The following PLCB1 variants were observed in gnomAD, a reference collection of about 807,000 sequenced individuals.
The protein encoded by PLCB1 is phospholipase C beta 1.
Under a neutral mutation model 161.8 loss-of-function variants are expected in PLCB1, and 46 were observed. That is an observed-to-expected ratio of 0.28 (90% CI 0.22 to 0.36). The LOEUF is 0.36. PLCB1 is among the 10% of genes least tolerant of loss of function. The probability of loss-of-function intolerance (pLI) is 1.00; values close to 1 mark genes in which losing one functional copy is unlikely to be tolerated. For missense variants in PLCB1, 1,016 were observed against 1,472.5 expected (o/e 0.69, Z 5.07); for synonymous variants, 517 against 503.7 (o/e 1.03, Z -0.35).
At chr20:8,718,457 T>A (rs1442722488) in intron 14 of PLCB1, among the ~76,000 whole-genome samples, 1 of 152,182 alleles carries the variant, frequency 6.6e-6, no homozygotes, top group African/African-American at 2.4e-5. Flanking sequence ...AGAAGCTGTT[T>A]CCTTGCTTTT....
At chr20:8,832,874 C>T (rs1280452290) in intron 31 of PLCB1, among the ~76,000 whole-genome samples, 1 of 152,154 alleles carries the variant, frequency 6.6e-6, no homozygotes, top group Non-Finnish European at 1.5e-5. Flanking sequence ...GGCCCACATC[C>T]CTCAGAAAGT....
At chr20:8,768,118 G>A (rs919596910) in intron 26 of PLCB1, among the ~76,000 whole-genome samples, 9 of 152,176 alleles carry the variant, frequency 5.9e-5, no homozygotes, top group African/African-American at 4.8e-5. Context: ...GCAGTGAGCC[G>A]AGATGGTGCC....
At chr20:8,444,439 AG>A (rs1568678857) in intron 3 of PLCB1, among the ~76,000 whole-genome samples, 1 of 152,126 alleles carries the variant, frequency 6.6e-6, no homozygotes, top group East Asian at 1.9e-4. Context: ...TTCTTAATCC[AG>A]TCTATCATTG....
At chr20:8,560,656 C>CT (rs1216489569) in intron 3 of PLCB1, among the ~76,000 whole-genome samples, 2 of 151,882 alleles carry the variant, frequency 1.3e-5, no homozygotes, top group African/African-American at 4.8e-5. Flanking sequence ...TAAATGTCAT[C>CT]TTTTTTTGTT....
chr20:8,272,848 C>A (rs534034781), intron 2 of PLCB1, among the ~76,000 whole-genome samples: 1 of 152,232 alleles, frequency 6.6e-6, no homozygotes, highest in Admixed American at 6.5e-5. Flanking sequence ...ACATTTCATG[C>A]AATCAGTACA....
intron 7 of PLCB1, among the ~76,000 whole-genome samples, chr20:8,655,951 T>C (rs919165760): frequency 6.6e-6 from 1 of 152,034 alleles, no homozygotes; most frequent in African/African-American, 2.4e-5. Context: ...TCTCTCTTTC[T>C]ATAAATCAAG....
At chr20:8,193,438 G>A (rs898072261) in intron 2 of PLCB1, among the ~76,000 whole-genome samples, 1 of 151,796 alleles carries the variant, frequency 6.6e-6, no homozygotes, top group Non-Finnish European at 1.5e-5. Context: ...AAAAGAGGAG[G>A]AGGAGAAAGA....
intron 3 of PLCB1, among the ~76,000 whole-genome samples, chr20:8,548,021 G>GC (rs1985617982): frequency 6.6e-6 from 1 of 151,890 alleles, no homozygotes; most frequent in South Asian, 2.1e-4. Flanking sequence ...CCTCAGAGAA[G>GC]CCTTCCTCAC....
chr20:8,594,404 G>A (rs1290098286), intron 3 of PLCB1, among the ~76,000 whole-genome samples: 1 of 152,146 alleles, frequency 6.6e-6, no homozygotes, highest in Non-Finnish European at 1.5e-5. Context: ...TTCAATCAGG[G>A]CTTCTCAAAC....
intron 9 of PLCB1, among the ~76,000 whole-genome samples, chr20:8,681,074 A>ATGTGTG (rs1990196923): frequency 1.4e-5 from 1 of 72,648 alleles, no homozygotes; most frequent in Admixed American, 1.6e-4. Context: ...ATATGTGTGT[A>ATGTGTG]TATGTGTGTG....
intron 3 of PLCB1, among the ~76,000 whole-genome samples, chr20:8,424,144 C>G (rs1405286383): frequency 1.3e-5 from 2 of 152,130 alleles, no homozygotes; most frequent in Non-Finnish European, 2.9e-5. Context: ...CAGAAACACT[C>G]CCACACCCCT....
intron 3 of PLCB1, among the ~76,000 whole-genome samples, chr20:8,511,442 G>A (rs887574903): frequency 6.6e-6 from 1 of 152,088 alleles, no homozygotes; most frequent in Non-Finnish European, 1.5e-5. Flanking sequence ...ACTTAGGTTG[G>A]TTCCATATCT....
At chr20:8,607,204 A>G (rs921541628) in intron 3 of PLCB1, among the ~76,000 whole-genome samples, 1 of 152,070 alleles carries the variant, frequency 6.6e-6, no homozygotes, top group African/African-American at 2.4e-5. Flanking sequence ...ACTTCTCTCC[A>G]TCTCCATAGA....
intron 15 of PLCB1, among the ~76,000 whole-genome samples, chr20:8,723,855 G>A (rs144027292): frequency 5.9e-5 from 9 of 152,162 alleles, no homozygotes; most frequent in Non-Finnish European, 1.2e-4. Flanking sequence ...GAGCCAAGAA[G>A]GGAGGGAGGG....
intron 2 of PLCB1, among the ~76,000 whole-genome samples, chr20:8,335,597 G>A (rs759180593): frequency 3.9e-5 from 6 of 152,140 alleles, no homozygotes; most frequent in Admixed American, 6.5e-5. Flanking sequence ...GTCCCCACCC[G>A]TAGTTGCTCT....
chr20:8,542,219 G>C (rs16994904), intron 3 of PLCB1, among the ~76,000 whole-genome samples: 2,588 of 152,234 alleles, frequency 0.017, 63 homozygotes, highest in African/African-American at 0.056. Context: ...CGTGTGAACC[G>C]TGCTCTGCTG....
intron 2 of PLCB1, among the ~76,000 whole-genome samples, chr20:8,172,367 T>A (rs1302593603): frequency 6.6e-6 from 1 of 152,136 alleles, no homozygotes; most frequent in Non-Finnish European, 1.5e-5. Flanking sequence ...TGGTTGGTTA[T>A]CTGGAGGAAG....
intron 3 of PLCB1, among the ~76,000 whole-genome samples, chr20:8,523,486 C>CCATATATATATATA (rs1341360626): frequency 2.0e-4 from 12 of 61,184 alleles, no homozygotes; most frequent in African/African-American, 7.2e-4. Context: ...CTCTCTCTCT[C>CCATATATATATATA]TCTCTCTCTC....
intron 2 of PLCB1, among the ~76,000 whole-genome samples, chr20:8,366,383 T>A (rs542860166): frequency 6.6e-6 from 1 of 152,180 alleles, no homozygotes. Context: ...TGGAAAGAGC[T>A]GAGTTTTAAA....
Sources: allele counts gnomAD v4.1 joint callset (sites outside exome capture counted in the v4.1 genomes callset), GRCh38; gene constraint gnomAD v4.1.1; transcripts MANE v1.5; gene names NCBI Gene and HGNC (gene_info 2026-07-23, HGNC 2026-07-21).